The following DGKI variants were observed in gnomAD, a reference collection of about 807,000 sequenced individuals.
The protein encoded by DGKI is diacylglycerol kinase iota, also known as DAG kinase iota.
A neutral mutation model predicts 147.5 loss-of-function variants in DGKI; 55 were observed. That is an observed-to-expected ratio of 0.37 (90% CI 0.30 to 0.47). DGKI has a LOEUF of 0.47. Among genes scored for constraint, DGKI ranks in the 20% least tolerant of loss-of-function variants. The pLI, the probability that DGKI is intolerant of heterozygous loss-of-function variation, is 1.00. For missense variants in DGKI, 1,007 were observed against 1,323.8 expected, an observed-to-expected ratio of 0.76 and a Z score of 3.71; for synonymous variants, 469 against 477.1, an observed-to-expected ratio of 0.98 and a Z score of 0.22.
intron 1 of DGKI, among the ~76,000 whole-genome samples, chr7:137,806,097 C>A (rs1377431216): frequency 6.6e-6 from 1 of 152,190 alleles, no homozygotes; most frequent in Non-Finnish European, 1.5e-5. Flanking sequence ...TTCCACTCAC[C>A]GTGCCCATCC....
chr7:137,650,707 C>T (rs573931105), intron 5 of DGKI, among the ~76,000 whole-genome samples: 18 of 152,160 alleles, frequency 1.2e-4, no homozygotes, highest in African/African-American at 2.7e-4. Context: ...AATTGGACCA[C>T]GCTGGTACAT....
intron 1 of DGKI, among the ~76,000 whole-genome samples, chr7:137,709,349 T>C (rs1421941640): frequency 6.6e-6 from 1 of 152,140 alleles, no homozygotes; most frequent in African/African-American, 2.4e-5. Flanking sequence ...CAGTCAACAG[T>C]ATACATACAT....
chr7:137,765,195 T>C (rs1795978172), intron 1 of DGKI, among the ~76,000 whole-genome samples: 1 of 152,222 alleles, frequency 6.6e-6, no homozygotes, highest in Non-Finnish European at 1.5e-5. Context: ...CAGTCAGATT[T>C]AGTGGCTTAT....
chr7:137,417,723 C>G (rs756026943), intron 28 of DGKI, among the ~76,000 whole-genome samples: 1 of 152,152 alleles, frequency 6.6e-6, no homozygotes, highest in Non-Finnish European at 1.5e-5. Context: ...GATTAAGTCA[C>G]GAAGGCTCCA....
intron 2 of DGKI, among the ~76,000 whole-genome samples, chr7:137,681,967 G>A (rs561759250): frequency 2.1e-4 from 32 of 152,346 alleles, no homozygotes; most frequent in Admixed American, 1.5e-3. Context: ...ATCAAGGTTC[G>A]AATGAGCTTC....
chr7:137,807,540 C>G (rs1563206711), intron 1 of DGKI, among the ~76,000 whole-genome samples: 1 of 152,190 alleles, frequency 6.6e-6, no homozygotes, highest in Non-Finnish European at 1.5e-5. Flanking sequence ...CACTGCACAT[C>G]CCTGGGCCAG....
intron 1 of DGKI, among the ~76,000 whole-genome samples, chr7:137,786,750 C>G (rs187174230): frequency 5.3e-5 from 8 of 151,266 alleles, no homozygotes; most frequent in African/African-American, 1.9e-4. Flanking sequence ...GTTAGGAAAA[C>G]AGCGTGGTAC....
At chr7:137,455,006 G>C (rs1015018820) in intron 27 of DGKI, 6 of 152,116 alleles carry the variant, frequency 3.9e-5, no homozygotes, top group South Asian at 2.1e-4. Flanking sequence ...CACTTATCTC[G>C]TGATCCCGGA....
chr7:137,686,258 G>A (rs1563150108), intron 2 of DGKI, among the ~76,000 whole-genome samples: 1 of 152,302 alleles, frequency 6.6e-6, no homozygotes, highest in East Asian at 1.9e-4. Context: ...GATGAGCATG[G>A]CTTGGCAGAC....
intron 8 of DGKI, among the ~76,000 whole-genome samples, chr7:137,613,346 C>T (rs1820430479): frequency 6.6e-6 from 1 of 152,196 alleles, no homozygotes; most frequent in South Asian, 2.1e-4. Flanking sequence ...GGAACAAAGG[C>T]TGCTCTGAGG....
chr7:137,434,593 A>T (rs1168143049), intron 28 of DGKI, among the ~76,000 whole-genome samples: 2 of 152,030 alleles, frequency 1.3e-5, no homozygotes, highest in African/African-American at 2.4e-5. Context: ...AACAAAACAA[A>T]AACAAACAAA....
At chr7:137,582,832 C>T (rs533054076) in intron 14 of DGKI, among the ~76,000 whole-genome samples, 117 of 152,224 alleles carry the variant, frequency 7.7e-4, no homozygotes, top group Non-Finnish European at 1.4e-3. Flanking sequence ...GTGGGAATGG[C>T]TGGTTCTCCC....
chr7:137,564,352 C>G (rs1818512780), intron 19 of DGKI, among the ~76,000 whole-genome samples: 1 of 152,054 alleles, frequency 6.6e-6, no homozygotes, highest in Admixed American at 6.5e-5. Context: ...ACACAAAAAG[C>G]TCTAATACAA....
rs1210947164 is a variant in DGKI, at chr7:137,558,794, C to G, written c.1948-6226G>C. Among the ~76,000 whole-genome samples, 8 of 119,654 alleles carry G rather than the reference C, an allele frequency of 6.7e-5. No individual in the cohort carries two copies. The Admixed American group carries it at 7.1e-4, about 11-fold the overall frequency. The allele number at this position is 119,654 out of a possible 152,430, so 78.5% of individuals were successfully genotyped here. On this transcript the variant is annotated intron_variant, in intron 19 of 32. Transcript: ENST00000614521. The stretch of plus-strand genomic sequence containing the variant: ...AAACTCCTGACCTCAGGTGATCCAC[C>G]CACCTTGGCCTCCCAAAGTGCTGGG...
At chr7:137,835,943 C>A (rs1308050915) in intron 1 of DGKI, among the ~76,000 whole-genome samples, 3 of 152,190 alleles carry the variant, frequency 2.0e-5, no homozygotes, top group Admixed American at 2.0e-4. Flanking sequence ...GCTACTGTGA[C>A]TGTTTCCTTA....
intron 28 of DGKI, among the ~76,000 whole-genome samples, chr7:137,433,840 G>A (rs542774334): frequency 3.3e-5 from 5 of 152,310 alleles, no homozygotes; most frequent in South Asian, 2.1e-4. Context: ...ACTAGGGGCC[G>A]GGCGTGGTGG....
At chr7:137,507,421 G>T (rs1416780975) in intron 21 of DGKI, among the ~76,000 whole-genome samples, 1 of 152,132 alleles carries the variant, frequency 6.6e-6, no homozygotes, top group African/African-American at 2.4e-5. Flanking sequence ...TCCAAGTACA[G>T]ATCCAATTCT....
intron 28 of DGKI, among the ~76,000 whole-genome samples, chr7:137,430,149 C>G (rs1813001521): frequency 1.4e-5 from 2 of 140,808 alleles, no homozygotes; most frequent in Non-Finnish European, 3.1e-5. Context: ...GACTTGGAAG[C>G]AACCCAAATG....
At chr7:137,466,637 GA>G (rs1328943329) in intron 25 of DGKI, among the ~76,000 whole-genome samples, 2 of 152,158 alleles carry the variant, frequency 1.3e-5, no homozygotes, top group Non-Finnish European at 2.9e-5. Context: ...CTTTGTGAAT[GA>G]AAATTTGGAG....
Sources: allele counts gnomAD v4.1 joint callset (sites outside exome capture counted in the v4.1 genomes callset), GRCh38; gene constraint gnomAD v4.1.1; transcripts MANE v1.5; gene names NCBI Gene and HGNC (gene_info 2026-07-23, HGNC 2026-07-21).